LHFPL3: variants seen among roughly 807,000 people sequenced by gnomAD.
LHFPL3 encodes the protein LHFPL tetraspan subfamily member 3, also known as LHFPL tetraspan subfamily member 3 protein.
In LHFPL3, 5 loss-of-function variants were observed where a neutral mutation model predicts 19.3. The observed-to-expected ratio is 0.26, with a 90% CI of 0.14 to 0.54. The LOEUF is 0.54. Ranked by LOEUF, LHFPL3 falls within the 20% of genes least tolerant of loss-of-function variation. LHFPL3 has a pLI of 0.94. For missense variants in LHFPL3, 249 were observed against 307.4 expected, an observed-to-expected ratio of 0.81 and a Z score of 1.42; for synonymous variants, 133 against 126.2, an observed-to-expected ratio of 1.05 and a Z score of -0.36.
In LHFPL3 at chr7:104,661,399, C is replaced by A. The variant is rs79801244; in HGVS notation, c.446-75276C>A. ...GCTGAACTGACTCATTTTGGACCATCGTTTGAAAGAGGAGACCACCAAACT... is the reference window on the plus strand; with the variant it reads ...GCTGAACTGACTCATTTTGGACCATAGTTTGAAAGAGGAGACCACCAAACT... On this transcript the variant is annotated intron_variant, in intron 1 of 2. Coordinates refer to ENST00000424859, the MANE Select transcript of LHFPL3 (RefSeq NM_199000.3). Among the ~76,000 whole-genome samples, 786 of 152,238 alleles carry A rather than the reference C, an allele frequency of 5.2e-3. 44 individuals carry two copies. In the East Asian group the frequency reaches 0.11, roughly 22 times the overall value.
intron 2 of LHFPL3, among the ~76,000 whole-genome samples, chr7:104,762,848 T>A (rs1794398657): frequency 6.6e-6 from 1 of 152,210 alleles, no homozygotes; most frequent in Non-Finnish European, 1.5e-5. Flanking sequence ...ACTCAAATTC[T>A]ATGCTCTTTC....
At chr7:104,722,018 A>T (rs1027972063) in intron 1 of LHFPL3, among the ~76,000 whole-genome samples, 1 of 152,142 alleles carries the variant, frequency 6.6e-6, no homozygotes, top group Non-Finnish European at 1.5e-5. Context: ...TAATTTTTCA[A>T]GTTCTAAATT....
intron 2 of LHFPL3, among the ~76,000 whole-genome samples, chr7:104,813,850 C>T (rs1790518956): frequency 6.6e-6 from 1 of 152,214 alleles, no homozygotes; most frequent in Non-Finnish European, 1.5e-5. Context: ...GGAGTCATAG[C>T]CCTGACTTGG....
intron 1 of LHFPL3, among the ~76,000 whole-genome samples, chr7:104,500,703 A>T (rs1793583812): frequency 6.6e-6 from 1 of 152,196 alleles, no homozygotes; most frequent in Non-Finnish European, 1.5e-5. Context: ...CAGAGGGCAG[A>T]GTGAATTTTC....
intron 1 of LHFPL3, chr7:104,668,040 G>A: frequency 6.2e-7 from 1 of 1,613,724 alleles, no homozygotes; most frequent in South Asian, 1.1e-5. Context: ...ACCCTACACT[G>A]CTTTTCTAGG....
chr7:104,837,985 A>G (rs933726747), intron 2 of LHFPL3, among the ~76,000 whole-genome samples: 4 of 152,210 alleles, frequency 2.6e-5, no homozygotes, highest in African/African-American at 9.6e-5. Context: ...AACAATTATA[A>G]CCTTGTTAAC....
intron 2 of LHFPL3, among the ~76,000 whole-genome samples, chr7:104,878,211 G>A (rs529224322): frequency 7.2e-5 from 11 of 152,014 alleles, no homozygotes; most frequent in South Asian, 4.1e-4. Flanking sequence ...ACAAAATGTG[G>A]TACAGGCACA....
Position 104,385,940 on chromosome 7 carries a change from CA to C in LHFPL3, c.445+56728del, listed in dbSNP as rs879642115. On this transcript the variant is annotated intron_variant, in intron 1 of 2. Coordinates refer to ENST00000424859, the MANE Select transcript of LHFPL3 (RefSeq NM_199000.3). ...TCCATAAAAGCAATGAAAACATTGGCAAAAAAAAAAAATCATCAAAATCAAT... is the reference window on the plus strand; with the variant it reads ...TCCATAAAAGCAATGAAAACATTGGCAAAAAAAAAAATCATCAAAATCAAT... 3.3e-3 allele frequency among the ~76,000 whole-genome samples: 448 copies of C among 136,124 alleles called. 2 individuals are homozygous for C. The highest frequency in any genetic ancestry group is 7.1e-3 in the African/African-American group (263 of 36,980). 89.3% of individuals were successfully genotyped at this position (136,124 alleles called of 152,430 possible).
chr7:104,845,389 A>C, intron 2 of LHFPL3: 1 of 1,531,652 alleles, frequency 6.5e-7, no homozygotes, highest in African/African-American at 1.4e-5. Flanking sequence ...CAGATGATGG[A>C]AATGCTTAAG....
At chr7:104,898,896 C>T (rs947295940) in intron 2 of LHFPL3, among the ~76,000 whole-genome samples, 5 of 151,984 alleles carry the variant, frequency 3.3e-5, no homozygotes, top group Admixed American at 2.0e-4. Context: ...GCAGGCGGAT[C>T]GCTTGAGCCC....
intron 1 of LHFPL3, among the ~76,000 whole-genome samples, chr7:104,431,140 C>T (rs1791995943): frequency 6.7e-6 from 1 of 148,688 alleles, no homozygotes; most frequent in Non-Finnish European, 1.5e-5. Flanking sequence ...TTTAAAACAG[C>T]TTTCTATATT....
chr7:104,578,584 ATCTCC>A (rs576905114), intron 1 of LHFPL3, among the ~76,000 whole-genome samples: 42 of 152,274 alleles, frequency 2.8e-4, no homozygotes, highest in African/African-American at 9.4e-4. Flanking sequence ...TTATATTGGG[ATCTCC>A]TGTGTTGTAC....
chr7:104,771,820 T>C (rs1326320247), intron 2 of LHFPL3, among the ~76,000 whole-genome samples: 2 of 73,828 alleles, frequency 2.7e-5, no homozygotes, highest in Non-Finnish European at 5.3e-5. Context: ...GCCTCTCTTT[T>C]TTTTTTTTTT....
At chr7:104,664,753 A>G (rs1792298918) in intron 1 of LHFPL3, among the ~76,000 whole-genome samples, 1 of 152,218 alleles carries the variant, frequency 6.6e-6, no homozygotes, top group Admixed American at 6.5e-5. Context: ...TCTGTCTGAC[A>G]TGAGAAGAAA....
intron 1 of LHFPL3, among the ~76,000 whole-genome samples, chr7:104,683,693 A>G (rs1792753645): frequency 6.6e-6 from 1 of 152,194 alleles, no homozygotes; most frequent in East Asian, 1.9e-4. Context: ...ATGGCTCCTT[A>G]TTTAATTTGC....
intron 1 of LHFPL3, among the ~76,000 whole-genome samples, chr7:104,657,152 T>G (rs140590651): frequency 7.5e-4 from 115 of 152,374 alleles, no homozygotes; most frequent in African/African-American, 2.6e-3. Context: ...TAATTGATAT[T>G]ACGAATTCCT....
chr7:104,452,940 C>T (rs959260187), intron 1 of LHFPL3, among the ~76,000 whole-genome samples: 2 of 152,106 alleles, frequency 1.3e-5, no homozygotes, highest in African/African-American at 2.4e-5. Flanking sequence ...CAGAAGCACC[C>T]ACCCCTTACT....
intron 1 of LHFPL3, among the ~76,000 whole-genome samples, chr7:104,702,172 A>G (rs1793116150): frequency 6.6e-6 from 1 of 152,084 alleles, no homozygotes; most frequent in African/African-American, 2.4e-5. Flanking sequence ...GATGATTTCC[A>G]GCTTCATCCA....
intron 2 of LHFPL3, among the ~76,000 whole-genome samples, chr7:104,829,585 G>GT (rs1386819186): frequency 3.4e-4 from 52 of 151,520 alleles, no homozygotes; most frequent in Admixed American, 1.8e-3. Flanking sequence ...GTGGTGTTTG[G>GT]TTTTTTGTCC....
Sources: allele counts gnomAD v4.1 joint callset (sites outside exome capture counted in the v4.1 genomes callset), GRCh38; gene constraint gnomAD v4.1.1; transcripts MANE v1.5; gene names NCBI Gene and HGNC (gene_info 2026-07-23, HGNC 2026-07-21).